The following RASA3 variants were observed in gnomAD, a reference collection of about 807,000 sequenced individuals.
The protein encoded by RASA3 is RAS p21 protein activator 3, also known as ras GTPase-activating protein 3.
A neutral mutation model predicts 110.0 loss-of-function variants in RASA3; 73 were observed. The observed-to-expected ratio is 0.66, with a 90% CI of 0.55 to 0.81. The LOEUF (loss-of-function observed/expected upper bound fraction) is 0.81. Among genes scored for constraint, RASA3 ranks in the 30% least tolerant of loss-of-function variants. The pLI is 0.00. For synonymous variants in RASA3, 500 were observed against 451.4 expected, an observed-to-expected ratio of 1.11 and a Z score of -1.37; for missense variants, 976 against 1,113.2, an observed-to-expected ratio of 0.88 and a Z score of 1.75.
chr13:114,009,491 G>C, intron 16 of RASA3, 27 bp from the exon 17 acceptor site: 1 of 1,513,872 alleles, frequency 6.6e-7, no homozygotes, highest in Non-Finnish European at 9.2e-7. Context: ...ATCACTCGAG[G>C]ACAGCCCGAA....
Position 114,114,078 on chromosome 13 carries a change from A to G in RASA3, c.55+18357T>C, listed in dbSNP as rs941391528. Reference sequence around the variant, plus strand: ...CCGCATCCATCAATCCACCCACCACAGCAAGTGTCTGCGATGTCTGTAGTG... The same window carrying G: ...CCGCATCCATCAATCCACCCACCACGGCAAGTGTCTGCGATGTCTGTAGTG... On this transcript the variant is annotated intron_variant, in intron 1 of 23. Coordinates refer to ENST00000334062, the MANE Select transcript of RASA3 (RefSeq NM_007368.4). The surrounding 1 kb of genome is among the most constrained non-coding windows in gnomAD (Gnocchi z 4.8). Among the ~76,000 whole-genome samples the G allele has an allele frequency of 1.3e-5, 2 of 152,054 alleles. No homozygotes were observed. The highest frequency in any genetic ancestry group is 4.8e-5 in the African/African-American group (2 of 41,372).
At chr13:114,009,775 G>A (rs1052448482) in intron 16 of RASA3, among the ~76,000 whole-genome samples, 7 of 152,212 alleles carry the variant, frequency 4.6e-5, no homozygotes, top group African/African-American at 1.7e-4. Context: ...GAAGAGGTAC[G>A]TTGGGGCCCA....
rs28623162 is a variant in RASA3 at position 113,981,517 on chromosome 13, T to C, written c.2429+158A>G. On this transcript the variant is annotated intron_variant, in intron 23 of 23. Transcript: ENST00000334062. The stretch of plus-strand genomic sequence containing the variant: ...GCAGCGCCGGGCCACGTCCACTGAC[T>C]ACCGCCAGGTGCCAGCCCGGTGCAA... Among the ~76,000 whole-genome samples the C allele has an allele frequency of 0.3, 45,451 of 152,170 alleles. 7,529 individuals carry two copies. Among genetic ancestry groups the C allele is most frequent in the Non-Finnish European group, 0.37 (25,024 of 67,958 alleles).
In RASA3 at chr13:114,051,211, C is replaced by T. The variant is rs571279420; in HGVS notation, c.277+841G>A. On this transcript the variant is annotated intron_variant, in intron 3 of 23. Transcript: ENST00000334062. Reference sequence around the variant, plus strand: ...CTCAGCATCCCGGCAGCCATGAAGACGAGGAGCCTGCACCACCTGGGGTCT... The same window carrying T: ...CTCAGCATCCCGGCAGCCATGAAGATGAGGAGCCTGCACCACCTGGGGTCT... Among the ~76,000 whole-genome samples the T allele has an allele frequency of 4.2e-4, 64 of 152,308 alleles. 1 individual carries two copies. The South Asian group carries it at 0.01, about 24-fold the overall frequency.
chr13:114,072,593 TA>T (rs1435265317), intron 2 of RASA3, among the ~76,000 whole-genome samples: 6 of 152,142 alleles, frequency 3.9e-5, no homozygotes, highest in African/African-American at 1.4e-4. Flanking sequence ...CATCTCTAAT[TA>T]AAAAGCACTC....
intron 4 of RASA3, among the ~76,000 whole-genome samples, chr13:114,033,729 G>T (rs891294477): frequency 1.3e-5 from 2 of 152,208 alleles, no homozygotes; most frequent in Non-Finnish European, 2.9e-5. Flanking sequence ...ATGGAACTGG[G>T]TCTGTGCTGC....
rs180882344 is a variant in RASA3, at chr13:114,064,397, T to G, written c.173+9323A>C. Among the ~76,000 whole-genome samples the G allele has an allele frequency of 3.7e-4, 56 of 152,230 alleles. No homozygotes were observed. The East Asian group carries it at 9.9e-3, about 27-fold the overall frequency. ...ACAGCAGCTTTCCCCCCTATGCTGTTGTGGGGACTCCAGGCTCAGCCTGAG... is the reference window on the plus strand; with the variant it reads ...ACAGCAGCTTTCCCCCCTATGCTGTGGTGGGGACTCCAGGCTCAGCCTGAG... On this transcript the variant is annotated intron_variant, in intron 2 of 23. Coordinates refer to ENST00000334062, the MANE Select transcript of RASA3 (RefSeq NM_007368.4).
intron 1 of RASA3, among the ~76,000 whole-genome samples, chr13:114,106,657 C>T (rs947471643): frequency 2.6e-5 from 4 of 152,188 alleles, no homozygotes; most frequent in African/African-American, 4.8e-5. Context: ...AAGCCCCTGG[C>T]GTGGGGAGGG....
intron 4 of RASA3, among the ~76,000 whole-genome samples, chr13:114,030,536 A>G (rs554842188): frequency 2.4e-5 from 3 of 123,740 alleles, no homozygotes; most frequent in African/African-American, 8.4e-5. Context: ...ACTCACACAG[A>G]GGGCAAGACT....
At chr13:114,075,582 C>T (rs35367517) in intron 1 of RASA3, among the ~76,000 whole-genome samples, 1 of 51,900 alleles carries the variant, frequency 1.9e-5, no homozygotes, top group Non-Finnish European at 3.2e-5. Context: ...CGTATCTCTG[C>T]GTGTGGAGGC....
intron 1 of RASA3, among the ~76,000 whole-genome samples, chr13:114,099,152 C>T (rs992124058): frequency 5.4e-4 from 74 of 136,800 alleles, no homozygotes; most frequent in Admixed American, 2.7e-3. Flanking sequence ...CCCGGCCACC[C>T]GAGCCCCCCA....
chr13:114,069,555 C>T (rs1035314330), intron 2 of RASA3, among the ~76,000 whole-genome samples: 1 of 4,718 alleles, frequency 2.1e-4, no homozygotes, highest in Non-Finnish European at 3.5e-4. Context: ...TCGGGAGACT[C>T]GGGGGTTGGG....
intron 18 of RASA3, among the ~76,000 whole-genome samples, chr13:114,002,501 G>A (rs1231808283): frequency 6.6e-6 from 1 of 152,184 alleles, no homozygotes; most frequent in East Asian, 1.9e-4. Flanking sequence ...GGGTTGGGGG[G>A]GGACTGGGAG....
chr13:114,028,195 G>A (rs1274951664), intron 5 of RASA3, among the ~76,000 whole-genome samples: 9 of 137,870 alleles, frequency 6.5e-5, no homozygotes, highest in African/African-American at 1.7e-4. Flanking sequence ...CTAAAGCAGC[G>A]TCATCGGGGG....
intron 1 of RASA3, among the ~76,000 whole-genome samples, chr13:114,117,758 A>T (rs2080311572): frequency 1.7e-5 from 2 of 118,930 alleles, no homozygotes; most frequent in African/African-American, 6.7e-5. Flanking sequence ...TGAGGGATGC[A>T]CGTGTGTGAG....
At chr13:114,040,864 C>T (rs576076113) in intron 4 of RASA3, 136 bp downstream of exon 4, 82 of 816,448 alleles carry the variant, frequency 1.0e-4, no homozygotes, top group African/African-American at 2.2e-4. Context: ...TGGGCGAACA[C>T]GCAATCTGCT....
rs1255657415 is a variant in RASA3 at position 114,013,906 on chromosome 13, CTCTG to C, written c.1406-662_1406-659del. 2.9e-4 allele frequency among the ~76,000 whole-genome samples: 30 copies of C among 102,664 alleles called. 2 individuals are homozygous for C. The highest frequency in any genetic ancestry group is 8.1e-4 in the African/African-American group (21 of 25,928). 67.4% of individuals were successfully genotyped at this position (102,664 alleles called of 152,430 possible). A position where few individuals can be genotyped will look rare whatever the true frequency, so the allele number is the denominator to read the frequency against. On this transcript the variant is annotated intron_variant, in intron 14 of 23. Coordinates refer to ENST00000334062, the MANE Select transcript of RASA3 (RefSeq NM_007368.4). ...TCTGTCTCTCTCTTTTTCTCTCTTT[CTCTG>C]TCTCTCTCTCTCCGTCTCTCTCTCC...
intron 21 of RASA3, among the ~76,000 whole-genome samples, chr13:113,994,566 GC>G (rs200986095): frequency 2.7e-5 from 2 of 73,506 alleles, no homozygotes; most frequent in South Asian, 3.9e-4. Flanking sequence ...GGAGGCCGAG[GC>G]AAGAAGGATC....
intron 4 of RASA3, among the ~76,000 whole-genome samples, chr13:114,034,504 G>T (rs1449436967): frequency 1.2e-4 from 18 of 152,200 alleles, no homozygotes; most frequent in Admixed American, 2.0e-4. Flanking sequence ...CACCTGGCTG[G>T]TCACCATCAG....
Sources: gnomAD v4.1 joint callset for allele counts (sites outside exome capture counted in the v4.1 genomes callset) on GRCh38, gnomAD v4.1.1 for gene constraint, Gnocchi (gnomAD v3.1) non-coding constraint, MANE v1.5 for transcripts, NCBI Gene and HGNC (gene_info 2026-07-23, HGNC 2026-07-21) for gene names.